GOLGA8M: variants seen among roughly 807,000 people sequenced by gnomAD.
The protein encoded by GOLGA8M is golgin A8 family member M, also known as golgin subfamily A member 8M.
In GOLGA8M, 34 loss-of-function variants were observed where a neutral mutation model predicts 87.7. The ratio of observed to expected loss-of-function variants is 0.39; its 90% CI spans 0.29 to 0.52. The LOEUF is 0.52. GOLGA8M is among the 20% of genes least tolerant of loss of function. The pLI is 0.80. For missense variants in GOLGA8M, 396 were observed against 682.2 expected (o/e 0.58, Z 4.67); for synonymous variants, 138 against 250.2 (o/e 0.55, Z 4.23).
intron 13 of GOLGA8M, among the ~76,000 whole-genome samples, chr15:28,704,351 C>T (rs2140917530): frequency 6.8e-6 from 1 of 147,326 alleles, no homozygotes; most frequent in African/African-American, 2.5e-5. Flanking sequence ...GCTGCCCAGG[C>T]CCCTGTCCCC....
At position 28,706,774 on chromosome 15, in the gene GOLGA8M, G is replaced by T. The variant is rs549161197; in HGVS notation, c.592-75C>A. On this transcript the variant is annotated intron_variant, in intron 8 of 18. Transcript: ENST00000563027. ...CACACAGTGCCCCTTAACAGGGCTC[G>T]GGCTAGGCCCAATATACAACTCGGT... is the stretch of plus-strand genomic sequence containing the variant. The T allele has an allele frequency of 1.1e-5, 16 of 1,429,410 alleles. 1 individual carries two copies. Among genetic ancestry groups the T allele is most frequent in the Non-Finnish European group, 1.5e-5 (16 of 1,053,612 alleles). 88.5% of individuals were successfully genotyped at this position (1,429,410 alleles called of 1,614,324 possible). A position where few individuals can be genotyped will look rare whatever the true frequency, so the allele number is the denominator to read the frequency against.
chr15:28,707,677 G>T, intron 8 of GOLGA8M, 71 bp downstream of exon 8: 2 of 1,447,840 alleles, frequency 1.4e-6, no homozygotes, highest in South Asian at 2.4e-5. Context: ...TCCTGCAGAA[G>T]GGACCTTTAG....
rs2079743763 is a variant in GOLGA8M, at chr15:28,699,067, ATTATT to A, written c.*2882_*2886del. Among the ~76,000 whole-genome samples the A allele has an allele frequency of 6.7e-6, 1 of 150,206 alleles. No individual in the cohort carries two copies. On this transcript the variant is annotated 3_prime_UTR_variant, in exon 19 of 19. Coordinates refer to ENST00000563027, the MANE Select transcript of GOLGA8M (RefSeq NM_001282468.3). ...AGCAGTTACATATTTTAATAGTTAT[ATTATT>A]TTAAAACAACTCTTTAAAGTTTTAG...
rs1414901098 is a variant in GOLGA8M, at chr15:28,703,924, G to A, written c.1201-7C>T. The A allele has an allele frequency of 1.3e-5, 21 of 1,588,770 alleles. No homozygotes were observed. The highest frequency in any genetic ancestry group is 1.5e-5 in the Non-Finnish European group (18 of 1,176,918). ...TGGCAGCTTCCAGGTGCTCCTAAGG[G>A]GCCAGGAAAGAGTGAGAAGGGATGG... On this transcript the variant is annotated splice_polypyrimidine_tract_variant and splice_region_variant and intron_variant, in intron 13 of 18. Coordinates refer to ENST00000563027, the MANE Select transcript of GOLGA8M (RefSeq NM_001282468.3).
intron 1 of GOLGA8M, chr15:28,711,746 A>C: frequency 5.1e-6 from 5 of 984,606 alleles, no homozygotes; most frequent in Non-Finnish European, 6.0e-6. Context: ...GGTCGGGGGG[A>C]GGGACCATGT....
upstream of GOLGA8M, among the ~76,000 whole-genome samples, chr15:28,713,115 G>A (rs1333852358): frequency 6.6e-6 from 1 of 151,786 alleles, no homozygotes; most frequent in Non-Finnish European, 1.5e-5. Context: ...CAAGGTGGGT[G>A]GATCATGAGG....
rs774049688 is a variant in GOLGA8M at position 28,705,206 on chromosome 15, G to A, written c.1153C>T (p.Leu385=). ...EEPNNENKST[L]QLEQQVKELQ... is the part of the protein sequence containing the mutation. ...TCCTTTACTTGCTGCTCCAACTGCA[G>A]TGTGCTCTTGTTCTCATTGTTCTGG... The change falls in exon 13 of 19, where the codon CTG becomes TTG. Residue 385 remains leucine, a synonymous_variant. Coordinates refer to ENST00000563027, the MANE Select transcript of GOLGA8M (RefSeq NM_001282468.3). 8 of 1,598,100 alleles carry A rather than the reference G, an allele frequency of 5.0e-6. No individual in the cohort carries two copies. Among genetic ancestry groups the A allele is most frequent in the South Asian group, 2.2e-5 (2 of 90,998 alleles).
chr15:28,704,829 C>T lies in GOLGA8M; in HGVS notation c.1200+330G>A, dbSNP rs1443932437. Among the ~76,000 whole-genome samples the T allele has an allele frequency of 9.6e-5, 14 of 145,574 alleles. 2 individuals carry two copies. Among genetic ancestry groups the T allele is most frequent in the African/African-American group, 3.6e-4 (14 of 38,458 alleles). ...CTCAAACTCCCGACCTCAAGTGATT[C>T]TCCTGCCTCAGCCTCCCAAAGTGCT... On this transcript the variant is annotated intron_variant, in intron 13 of 18. Coordinates refer to ENST00000563027, the MANE Select transcript of GOLGA8M (RefSeq NM_001282468.3).
Position 28,701,236 on chromosome 15 carries a change from T to C in GOLGA8M, c.*718A>G, listed in dbSNP as rs2079777646. On this transcript the variant is annotated 3_prime_UTR_variant, in exon 19 of 19. Coordinates refer to ENST00000563027, the MANE Select transcript of GOLGA8M (RefSeq NM_001282468.3). ...ACAAATCCTAAGGGCACCACCATAA[T>C]ACACCGCTAATTCCTGGCACCGGAA... 6.6e-6 allele frequency among the ~76,000 whole-genome samples: 1 copy of C among 151,922 alleles called. No homozygotes were observed.
intron 8 of GOLGA8M, among the ~76,000 whole-genome samples, chr15:28,706,969 T>C (rs1217704897): frequency 7.0e-6 from 1 of 143,690 alleles, no homozygotes; most frequent in Non-Finnish European, 1.5e-5. Flanking sequence ...GTTTGAACCT[T>C]TGTGGAATGC....
At chr15:28,704,912 C>T (rs1014726320) in intron 13 of GOLGA8M, 2 of 887,310 alleles carry the variant, frequency 2.3e-6, no homozygotes, top group African/African-American at 3.6e-5. Flanking sequence ...AGCACTGTCT[C>T]TTCCCCTGTG....
chr15:28,706,770 G>A (rs2080044637), intron 8 of GOLGA8M, 71 bp from the exon 9 acceptor site: 3 of 1,452,866 alleles, frequency 2.1e-6, no homozygotes, highest in African/African-American at 1.5e-5. Flanking sequence ...CCTTAACAGG[G>A]CTCGGGCTAG....
intron 8 of GOLGA8M, among the ~76,000 whole-genome samples, chr15:28,707,393 C>T (rs1380431074): frequency 2.1e-5 from 3 of 144,352 alleles, no homozygotes; most frequent in Admixed American, 7.3e-5. Flanking sequence ...CACATGCACA[C>T]GTTTCCTCTT....
Position 28,703,902 on chromosome 15 carries a change from C to A in GOLGA8M, c.1216G>T (p.Ala406Ser), listed in dbSNP as rs779886439. Residue 406 changes from alanine (A) to serine (S), a missense_variant, in exon 14 of 19, where the codon GCC becomes TCC. Ala to Ser is a moderately conservative substitution (Grantham distance 99). Around this residue, in one of 12 missense-constraint regions of GOLGA8M, gnomAD observed 44 missense variants for 46.7 expected, o/e 0.94. Coordinates refer to ENST00000563027, the MANE Select transcript of GOLGA8M (RefSeq NM_001282468.3). ...EKLGEEHLEA[A>S]SQQNQQLTAQ... ...GTTAGCTGCTGGTTCTGCTGGCTGG[C>A]AGCTTCCAGGTGCTCCTAAGGGGCC... 6.3e-7 allele frequency: 1 copy of A among 1,579,094 alleles called. No individual in the cohort carries two copies. The highest frequency in any genetic ancestry group is 2.5e-5 in the East Asian group (1 of 40,408).
Position 28,705,538 on chromosome 15 carries a change from T to A in GOLGA8M, c.1076A>T (p.Glu359Val). ...RLRKQEERIQ[E>V]QHKSLQQLAK... is the part of the protein sequence containing the mutation. ...CAGCTGCTGAAGGCTCTTGTGCTGC[T>A]CCTGAATCCTCTCCTCCTGCTTCCG... is the stretch of plus-strand genomic sequence containing the variant. The change falls in exon 12 of 19, where the codon GAG (glutamate) becomes GTG (valine). Residue 359 changes from glutamate to valine, a missense_variant. Physicochemically the swap from Glu to Val is moderately radical, Grantham distance 121. Around this residue, in one of 12 missense-constraint regions of GOLGA8M, gnomAD observed 7 missense variants for 28.8 expected, o/e 0.24. Coordinates refer to ENST00000563027, the MANE Select transcript of GOLGA8M (RefSeq NM_001282468.3). 1 of 1,547,658 alleles carries A rather than the reference T, an allele frequency of 6.5e-7. No individual in the cohort carries two copies. The highest frequency in any genetic ancestry group is 8.6e-7 in the Non-Finnish European group (1 of 1,156,144).
chr15:28,706,794 C>G, intron 8 of GOLGA8M, 95 bp from the exon 9 acceptor site: 1 of 1,251,702 alleles, frequency 8.0e-7, no homozygotes. Flanking sequence ...CAATATACAA[C>G]TCGGTCAGTA....
chr15:28,712,597 C>T (rs1427325394), upstream of GOLGA8M, among the ~76,000 whole-genome samples: 11 of 150,952 alleles, frequency 7.3e-5, no homozygotes, highest in South Asian at 2.1e-4. Flanking sequence ...GACCGCTCTC[C>T]GCACCCACTC....
At chr15:28,706,836 G>C in intron 8 of GOLGA8M, 137 bp from the exon 9 acceptor site, 1 of 788,306 alleles carries the variant, frequency 1.3e-6, no homozygotes, top group Non-Finnish European at 2.0e-6. Flanking sequence ...CCGTGGTCTG[G>C]TTTTTAAAAG....
At chr15:28,711,892 A>G in intron 1 of GOLGA8M, 4 of 985,170 alleles carry the variant, frequency 4.1e-6, no homozygotes, top group Non-Finnish European at 4.8e-6. Context: ...CAGAGTCTGC[A>G]GCAGGGAGCC....
Sources: gnomAD v4.1 joint callset for allele counts (sites outside exome capture counted in the v4.1 genomes callset) on GRCh38, gnomAD v4.1.1 for gene constraint, gnomAD v4.1.1 regional missense constraint, MANE v1.5 for transcripts, NCBI Gene and HGNC (gene_info 2026-07-23, HGNC 2026-07-21) for gene names.